Variants in C13orf46 observed in about 807,000 individuals in gnomAD.
C13orf46 encodes the protein uncharacterized protein C13orf46.
At position 113,958,057 on chromosome 13, in the gene C13orf46, C is replaced by T. The variant is rs1187538570; in HGVS notation, c.573-1218G>A. Among the ~76,000 whole-genome samples the T allele has an allele frequency of 7.6e-3, 968 of 127,934 alleles. 9 individuals are homozygous for T. Among genetic ancestry groups the T allele is most frequent in the African/African-American group, 0.027 (912 of 33,834 alleles). 83.9% of individuals were successfully genotyped at this position (127,934 alleles called of 152,430 possible). A position where few individuals can be genotyped will look rare whatever the true frequency, so the allele number is the denominator to read the frequency against. ...CCTGCACCCCTTTCATCAAGTGCAC[C>T]GGGGGGGTCTCCCCTGCACTCTGTA... is the stretch of plus-strand genomic sequence containing the variant. On this transcript the variant is annotated intron_variant, in intron 6 of 6. Coordinates refer to ENST00000636427, the MANE Select transcript of C13orf46 (RefSeq NM_001365455.2).
chr13:113,961,719 A>G (rs1298876847), intron 6 of C13orf46, among the ~76,000 whole-genome samples: 2 of 152,008 alleles, frequency 1.3e-5, no homozygotes, highest in African/African-American at 4.8e-5. Flanking sequence ...CTGGTTATCC[A>G]TTTTTTTTCC....
chr13:113,943,157 C>T, the C13orf46 span, among the ~76,000 whole-genome samples: 1 of 151,998 alleles, frequency 6.6e-6, no homozygotes, highest in Non-Finnish European at 1.5e-5. Context: ...GAGTCAAACT[C>T]TGTAAAATGT....
rs1489358474 is a variant in C13orf46, at chr13:113,955,687, G to C, written c.*1086C>G. The C allele has an allele frequency of 6.5e-6, 1 of 154,152 alleles. No individual in the cohort carries two copies. The highest frequency in any genetic ancestry group is 2.6e-5 in the African/African-American group (1 of 38,778). The allele number at this position is 154,152 out of a possible 1,614,324, so 9.5% of individuals were successfully genotyped here. A position where few individuals can be genotyped will look rare whatever the true frequency, so the allele number is the denominator to read the frequency against. Reference sequence around the variant, plus strand: ...AAGGAGTAGTGTCTGGCAGAGACGAGGAGTAGTGTCTGGCGGAGAGGAGGA... The same window carrying C: ...AAGGAGTAGTGTCTGGCAGAGACGACGAGTAGTGTCTGGCGGAGAGGAGGA... On this transcript the variant is annotated 3_prime_UTR_variant, in exon 7 of 7. Coordinates refer to ENST00000636427, the MANE Select transcript of C13orf46 (RefSeq NM_001365455.2).
At chr13:113,968,933 G>A (rs976530215) in intron 2 of C13orf46, among the ~76,000 whole-genome samples, 173 bp from the exon 3 acceptor site, 7 of 152,246 alleles carry the variant, frequency 4.6e-5, no homozygotes, top group African/African-American at 1.7e-4. Flanking sequence ...GGGCCCCACA[G>A]CCTGGCCCTC....
chr13:113,951,115 G>A (rs2052487120), downstream of C13orf46, among the ~76,000 whole-genome samples: 1 of 152,216 alleles, frequency 6.6e-6, no homozygotes, highest in Admixed American at 6.5e-5. Context: ...TCCTGGTGTG[G>A]GGAGGCCCAG....
At chr13:113,969,182 G>A (rs968835910) in intron 2 of C13orf46, among the ~76,000 whole-genome samples, 1 of 152,242 alleles carries the variant, frequency 6.6e-6, no homozygotes, top group Non-Finnish European at 1.5e-5. Flanking sequence ...GCTGTTACTC[G>A]CACCAACCTC....
chr13:113,948,225 G>C, the C13orf46 span, among the ~76,000 whole-genome samples: 3 of 152,238 alleles, frequency 2.0e-5, no homozygotes, highest in African/African-American at 7.2e-5. Flanking sequence ...CACAGCACCG[G>C]TTCAAGACCA....
chr13:113,969,154 G>A (rs879037688), intron 2 of C13orf46, among the ~76,000 whole-genome samples: 20,961 of 152,310 alleles, frequency 0.14, 1,784 homozygotes, highest in Middle Eastern at 0.2. Context: ...GTAGGCTGGA[G>A]GGTCCACGGT....
downstream of C13orf46, among the ~76,000 whole-genome samples, chr13:113,952,243 T>A (rs1244353372): frequency 2.0e-5 from 3 of 152,118 alleles, no homozygotes; most frequent in African/African-American, 7.2e-5. Context: ...CTGGAGGAAC[T>A]GCGCCGGCTC....
At chr13:113,957,216 C>T (rs1340032604) in intron 6 of C13orf46, among the ~76,000 whole-genome samples, 7 of 150,152 alleles carry the variant, frequency 4.7e-5, no homozygotes, top group Non-Finnish European at 1.0e-4. Flanking sequence ...TCTGCCTGCA[C>T]CCCCTTTCAT....
chr13:113,965,922 AATGATGATGATTATGATGGTGATG>A (rs1328554017), intron 5 of C13orf46, among the ~76,000 whole-genome samples: 16 of 146,008 alleles, frequency 1.1e-4, no homozygotes, highest in South Asian at 9.0e-4. Flanking sequence ...TGATGGTGAC[AATGATGATGATTATGATGGTGATG>A]ATGATGGTGA....
At chr13:113,973,402 G>A (rs1241652349) in intron 1 of C13orf46, among the ~76,000 whole-genome samples, 3 of 152,136 alleles carry the variant, frequency 2.0e-5, no homozygotes, top group Non-Finnish European at 4.4e-5. Flanking sequence ...CCGCAGTCAC[G>A]GAGCCGGACG....
the C13orf46 span, among the ~76,000 whole-genome samples, chr13:113,945,605 GAAGAAAGAAAGAAAGAAAGA>G: frequency 9.8e-3 from 917 of 93,716 alleles, 9 homozygotes; most frequent in South Asian, 0.016. Flanking sequence ...AAGAAAGAAA[GAAGAAAGAAAGAAAGAAAGA>G]AAGAAAGAAA....
chr13:113,935,586 G>T, the C13orf46 span, among the ~76,000 whole-genome samples: 1 of 152,192 alleles, frequency 6.6e-6, no homozygotes, highest in African/African-American at 2.4e-5. Flanking sequence ...ATGAGGAAAG[G>T]GATTGGTAGA....
At chr13:113,950,645 C>T (rs1044202984), downstream of C13orf46, among the ~76,000 whole-genome samples, 1 of 152,250 alleles carries the variant, frequency 6.6e-6, no homozygotes, top group African/African-American at 2.4e-5. Context: ...GAGAGTTGAC[C>T]TCCCAGCCCA....
chr13:113,963,496 C>T (rs985382542), intron 6 of C13orf46, among the ~76,000 whole-genome samples: 7 of 144,600 alleles, frequency 4.8e-5, no homozygotes, highest in African/African-American at 1.0e-4. Context: ...TCCTCAGCCT[C>T]GGCCCCTGTC....
chr13:113,950,841 C>A (rs942052264), downstream of C13orf46, among the ~76,000 whole-genome samples: 1 of 152,234 alleles, frequency 6.6e-6, no homozygotes, highest in African/African-American at 2.4e-5. Context: ...GTGAACCTTG[C>A]ACCCACCACA....
chr13:113,969,898 G>A (rs1173014493), intron 2 of C13orf46, among the ~76,000 whole-genome samples: 1 of 152,176 alleles, frequency 6.6e-6, no homozygotes, highest in African/African-American at 2.4e-5. Flanking sequence ...GCAGCTGTGT[G>A]ACCCTCAGGC....
chr13:113,927,309 G>A, the C13orf46 span: 7 of 379,612 alleles, frequency 1.8e-5, no homozygotes, highest in South Asian at 2.9e-4. Flanking sequence ...CAGGCTCCTC[G>A]CTGGGGACGC....
Sources: allele counts gnomAD v4.1 joint callset (sites outside exome capture counted in the v4.1 genomes callset), GRCh38; gene constraint gnomAD v4.1.1; transcripts MANE v1.5; gene names NCBI Gene and HGNC (gene_info 2026-07-23, HGNC 2026-07-21).